Variants in RIMBP2 observed in about 807,000 individuals in gnomAD.
The protein encoded by RIMBP2 is RIMS binding protein 2.
In RIMBP2, 48 loss-of-function variants were observed where a neutral mutation model predicts 118.6. The ratio of observed to expected loss-of-function variants is 0.40; its 90% confidence interval spans 0.32 to 0.51. RIMBP2 has a LOEUF of 0.51. Among genes scored for constraint, RIMBP2 ranks in the 20% least tolerant of loss-of-function variants. RIMBP2 has a pLI of 0.41. For synonymous variants in RIMBP2, 762 were observed against 742.9 expected, an observed-to-expected ratio of 1.03 and a Z score of -0.42; for missense variants, 1,551 against 1,768.3, an observed-to-expected ratio of 0.88 and a Z score of 2.20.
chr12:130,701,890 G>A (rs931960131), intron 1 of RIMBP2, among the ~76,000 whole-genome samples: 8 of 151,980 alleles, frequency 5.3e-5, no homozygotes, highest in African/African-American at 1.2e-4. Context: ...CCTTCACCCC[G>A]CTGGAGGTAC....
chr12:130,566,404 T>C (rs1288127308), intron 2 of RIMBP2, among the ~76,000 whole-genome samples: 1 of 152,216 alleles, frequency 6.6e-6, no homozygotes, highest in African/African-American at 2.4e-5. Context: ...GGGCTAAACT[T>C]AGTGGCTCAC....
intron 1 of RIMBP2, among the ~76,000 whole-genome samples, chr12:130,705,360 C>T (rs1198326221): frequency 1.3e-5 from 2 of 152,214 alleles, no homozygotes; most frequent in Admixed American, 6.5e-5. Context: ...AAGACCGGGG[C>T]CCTGGCTGCC....
intron 18 of RIMBP2, among the ~76,000 whole-genome samples, 161 bp downstream of exon 18, chr12:130,413,964 G>A (rs2075930158): frequency 6.6e-6 from 1 of 152,216 alleles, no homozygotes; most frequent in Admixed American, 6.5e-5. Flanking sequence ...AGAGGGCAGG[G>A]CCCTTGCCGT....
intron 21 of RIMBP2, among the ~76,000 whole-genome samples, chr12:130,404,566 T>TC (rs2074982936): frequency 6.6e-6 from 1 of 152,190 alleles, no homozygotes; most frequent in Non-Finnish European, 1.5e-5. Context: ...TCCGCATGAG[T>TC]CACCGTGCCC....
chr12:130,547,243 C>T (rs541082248), intron 2 of RIMBP2, among the ~76,000 whole-genome samples: 40 of 152,302 alleles, frequency 2.6e-4, no homozygotes, highest in African/African-American at 8.4e-4. Context: ...TTTAAGTGTG[C>T]ATACGCTCAC....
chr12:130,432,377 T>C, intron 14 of RIMBP2: 1 of 450,738 alleles, frequency 2.2e-6, no homozygotes, highest in South Asian at 1.6e-5. Flanking sequence ...TTGCCAGTTG[T>C]GTTTTGCGTG....
intron 2 of RIMBP2, among the ~76,000 whole-genome samples, chr12:130,611,343 C>T (rs1356996154): frequency 6.6e-6 from 1 of 152,256 alleles, no homozygotes; most frequent in African/African-American, 2.4e-5. Context: ...TGACGTCCCT[C>T]CCGTAAAGGA....
rs550913164 is a variant in RIMBP2 at position 130,545,024 on chromosome 12, G to GT, written c.-216-27108dup. Among the ~76,000 whole-genome samples the GT allele has an allele frequency of 2.3e-3, 355 of 152,208 alleles. 2 individuals are homozygous for GT. Among genetic ancestry groups the GT allele is most frequent in the Admixed American group, 5.7e-3 (87 of 15,290 alleles). On this transcript the variant is annotated intron_variant, in intron 2 of 22. Coordinates refer to ENST00000690449, the MANE Select transcript of RIMBP2 (RefSeq NM_001393629.1). ...GTGGCAGGACAGGATTCAAGCATTT[G>GT]TTTTTTTAGGCATCCATTGAACAAA...
rs1010886650 is a variant in RIMBP2 at position 130,414,227 on chromosome 12, G to A, written c.3318C>T (p.Ala1106=). The change falls in exon 18 of 23, where the codon GCC becomes GCT. Residue 1106 remains alanine (A), a synonymous_variant. Coordinates refer to ENST00000690449, the MANE Select transcript of RIMBP2 (RefSeq NM_001393629.1). ...AGTCAAAGAGAGCCACAAAGATCCG[G>A]GCCGGGAGCTCTTCGGCACCAGGGT... The part of the protein sequence containing the change: ...ETDPGAEELP[A]RIFVALFDYD... The A allele has an allele frequency of 1.5e-5, 24 of 1,614,018 alleles. No homozygotes were observed. The highest frequency in any genetic ancestry group is 1.9e-5 in the Non-Finnish European group (23 of 1,180,004).
Position 130,673,511 on chromosome 12 carries a change from G to A in RIMBP2, c.-352+42711C>T, listed in dbSNP as rs999761478. ...ACTGACCTCCAGAGGCTGGGGAAGC[G>A]CCACAGCCCAGAGGCCCACGGAGCT... On this transcript the variant is annotated intron_variant, in intron 1 of 22. Coordinates refer to ENST00000690449, the MANE Select transcript of RIMBP2 (RefSeq NM_001393629.1). Among the ~76,000 whole-genome samples the A allele has an allele frequency of 6.6e-5, 10 of 152,210 alleles. No homozygotes were observed. The South Asian group carries it at 1.0e-3, about 16-fold the overall frequency.
At chr12:130,637,476 G>A (rs573684815) in intron 1 of RIMBP2, among the ~76,000 whole-genome samples, 40 of 152,354 alleles carry the variant, frequency 2.6e-4, no homozygotes, top group African/African-American at 8.9e-4. Context: ...CATGCAATTA[G>A]TGAGTTCAAG....
At chr12:130,631,779 G>C (rs1392990030) in intron 1 of RIMBP2, among the ~76,000 whole-genome samples, 1 of 152,084 alleles carries the variant, frequency 6.6e-6, no homozygotes, top group Non-Finnish European at 1.5e-5. Flanking sequence ...CAAGGGACTG[G>C]GTATGGAAAG....
In RIMBP2 at chr12:130,648,658, C is replaced by CTTTT. The variant is rs575247641; in HGVS notation, c.-351-20206_-351-20203dup. On this transcript the variant is annotated intron_variant, in intron 1 of 22. Coordinates refer to ENST00000690449, the MANE Select transcript of RIMBP2 (RefSeq NM_001393629.1). ...GTTAAAAACTATCTAAAATTAGTAT[C>CTTTT]TTTTTTTTTTTTTTTGAGACGGAGT... 6.8e-5 allele frequency among the ~76,000 whole-genome samples: 9 copies of CTTTT among 132,550 alleles called. 1 individual carries two copies. The highest frequency in any genetic ancestry group is 1.2e-4 in the Non-Finnish European group (7 of 59,218). The allele number at this position is 132,550 out of a possible 152,430, so 87.0% of individuals were successfully genotyped here. A position where few individuals can be genotyped will look rare whatever the true frequency, so the allele number is the denominator to read the frequency against.
chr12:130,677,636 C>G (rs1489125490), intron 1 of RIMBP2, among the ~76,000 whole-genome samples: 4 of 151,546 alleles, frequency 2.6e-5, no homozygotes, highest in Admixed American at 6.6e-5. Context: ...TCAAAAAAAA[C>G]AAACAAAAAA....
intron 1 of RIMBP2, among the ~76,000 whole-genome samples, chr12:130,679,768 C>A (rs925913652): frequency 6.6e-6 from 1 of 152,254 alleles, no homozygotes; most frequent in Non-Finnish European, 1.5e-5. Context: ...GAAAGACAAG[C>A]CAAACTTCTC....
chr12:130,461,754 G>A (rs770166734), intron 6 of RIMBP2, among the ~76,000 whole-genome samples: 50 of 152,042 alleles, frequency 3.3e-4, no homozygotes, highest in African/African-American at 1.0e-3. Context: ...CTCAGCACAC[G>A]ACACGCCTGA....
At chr12:130,540,852 G>C (rs1463233384) in intron 2 of RIMBP2, among the ~76,000 whole-genome samples, 1 of 152,152 alleles carries the variant, frequency 6.6e-6, no homozygotes, top group Non-Finnish European at 1.5e-5. Context: ...CAAGCCCCTG[G>C]CATTTCAGTA....
At chr12:130,433,796 A>T (rs894810861) in intron 14 of RIMBP2, among the ~76,000 whole-genome samples, 1 of 152,156 alleles carries the variant, frequency 6.6e-6, no homozygotes, top group Admixed American at 6.5e-5. Flanking sequence ...AAGAGAATGG[A>T]CGAGACAGAA....
At chr12:130,533,604 C>T (rs1042973034) in intron 2 of RIMBP2, among the ~76,000 whole-genome samples, 4 of 152,196 alleles carry the variant, frequency 2.6e-5, no homozygotes, top group South Asian at 2.1e-4. Context: ...AAGACACCTG[C>T]GCTCATGTGT....
Sources: gnomAD v4.1 joint callset for allele counts (sites outside exome capture counted in the v4.1 genomes callset) on GRCh38, gnomAD v4.1.1 for gene constraint, MANE v1.5 for transcripts, NCBI Gene and HGNC (gene_info 2026-07-23, HGNC 2026-07-21) for gene names.